The following ZNF804A variants were observed in gnomAD, a reference collection of about 807,000 sequenced individuals.
ZNF804A encodes the protein zinc finger protein 804A.
ZNF804A carries 2 observed loss-of-function variants against 16.5 expected under a neutral mutation model. The ratio of observed to expected loss-of-function variants is 0.12; its 90% confidence interval spans 0.05 to 0.38. ZNF804A has a LOEUF of 0.38. ZNF804A is among the 10% of genes least tolerant of loss of function. ZNF804A has a pLI of 0.99. For missense variants in ZNF804A, 1,473 were observed against 1,390.7 expected, an observed-to-expected ratio of 1.06 and a Z score of -0.94; for synonymous variants, 534 against 489.6, an observed-to-expected ratio of 1.09 and a Z score of -1.20.
intron 1 of ZNF804A, among the ~76,000 whole-genome samples, chr2:184,786,003 G>A (rs1170742747): frequency 2.0e-5 from 3 of 152,006 alleles, no homozygotes; most frequent in Non-Finnish European, 4.4e-5. Flanking sequence ...GGTAGATCTA[G>A]CTGAAGTCAG....
chr2:184,668,183 A>G (rs1282830538), intron 1 of ZNF804A, among the ~76,000 whole-genome samples: 1 of 151,822 alleles, frequency 6.6e-6, no homozygotes, highest in East Asian at 1.9e-4. Flanking sequence ...ATAATTGTAT[A>G]TATTTATAGC....
chr2:184,810,066 C>A (rs752393350), intron 1 of ZNF804A, among the ~76,000 whole-genome samples: 3 of 152,126 alleles, frequency 2.0e-5, no homozygotes, highest in Non-Finnish European at 4.4e-5. Context: ...GACAAACTAT[C>A]GCCCAGGACT....
intron 1 of ZNF804A, among the ~76,000 whole-genome samples, chr2:184,724,459 G>A (rs982465373): frequency 1.6e-5 from 2 of 128,682 alleles, no homozygotes; most frequent in African/African-American, 8.4e-5. Flanking sequence ...ATGAAGACAG[G>A]CAAAGAATCA....
chr2:184,790,327 T>G (rs1365591236), intron 1 of ZNF804A, among the ~76,000 whole-genome samples: 1 of 151,924 alleles, frequency 6.6e-6, no homozygotes. Context: ...TGTAATTGTT[T>G]GAGTATTACG....
At chr2:184,894,597 T>G (rs1165130852) in intron 2 of ZNF804A, among the ~76,000 whole-genome samples, 1 of 152,100 alleles carries the variant, frequency 6.6e-6, no homozygotes, top group Non-Finnish European at 1.5e-5. Context: ...TAATACACAT[T>G]TATATATTAC....
chr2:184,735,037 CA>C (rs1693585078), intron 1 of ZNF804A, among the ~76,000 whole-genome samples: 1 of 152,126 alleles, frequency 6.6e-6, no homozygotes, highest in African/African-American at 2.4e-5. Context: ...CCACTTTAAT[CA>C]ATACAGGTCT....
chr2:184,626,567 T>G (rs1314791716), intron 1 of ZNF804A, among the ~76,000 whole-genome samples: 1 of 152,184 alleles, frequency 6.6e-6, no homozygotes, highest in African/African-American at 2.4e-5. Context: ...ACCTCAGTGC[T>G]CAACAAGTAA....
intron 1 of ZNF804A, among the ~76,000 whole-genome samples, chr2:184,783,867 G>A (rs1694409052): frequency 6.6e-6 from 1 of 151,870 alleles, no homozygotes; most frequent in African/African-American, 2.4e-5. Flanking sequence ...TACAGAAAGT[G>A]GTTTGTCAAT....
chr2:184,813,667 A>G (rs553330804), intron 1 of ZNF804A, among the ~76,000 whole-genome samples: 1 of 152,194 alleles, frequency 6.6e-6, no homozygotes, highest in African/African-American at 2.4e-5. Context: ...GATTTTTCAC[A>G]ATTTTATTTA....
chr2:184,612,749 A>G (rs190049808), intron 1 of ZNF804A, among the ~76,000 whole-genome samples: 20 of 152,310 alleles, frequency 1.3e-4, no homozygotes, highest in Admixed American at 9.8e-4. Context: ...TATGATACAT[A>G]CTGTTACTCA....
At chr2:184,927,484 G>C (rs1685629375) in intron 2 of ZNF804A, among the ~76,000 whole-genome samples, 1 of 152,284 alleles carries the variant, frequency 6.6e-6, no homozygotes, top group Admixed American at 6.5e-5. Flanking sequence ...CCCAAAGCCT[G>C]CTGTAGCCAC....
At chr2:184,720,769 G>A (rs890966850) in intron 1 of ZNF804A, among the ~76,000 whole-genome samples, 12 of 152,088 alleles carry the variant, frequency 7.9e-5, no homozygotes, top group Admixed American at 6.6e-5. Context: ...TCTAAAATCT[G>A]TATGGTATCA....
chr2:184,797,109 G>T (rs1348948746), intron 1 of ZNF804A, among the ~76,000 whole-genome samples: 1 of 152,030 alleles, frequency 6.6e-6, no homozygotes, highest in African/African-American at 2.4e-5. Context: ...TGCAGTTGTT[G>T]GATGAAATGT....
intron 2 of ZNF804A, among the ~76,000 whole-genome samples, chr2:184,873,530 A>G (rs117749276): frequency 6.6e-6 from 1 of 152,334 alleles, no homozygotes; most frequent in East Asian, 1.9e-4. Flanking sequence ...AAAGTTTTGT[A>G]AGTTTAACTG....
intron 1 of ZNF804A, among the ~76,000 whole-genome samples, chr2:184,797,663 G>A (rs1266706031): frequency 6.6e-6 from 1 of 152,092 alleles, no homozygotes; most frequent in Admixed American, 6.6e-5. Context: ...CATTCATCAT[G>A]CTATTTGTTG....
chr2:184,891,411 C>T (rs969622064), intron 2 of ZNF804A, among the ~76,000 whole-genome samples: 3 of 152,092 alleles, frequency 2.0e-5, no homozygotes, highest in Admixed American at 6.6e-5. Flanking sequence ...GCAGGGTGCT[C>T]TACAGAAGTC....
chr2:184,724,590 T>A (rs1459806042), intron 1 of ZNF804A, among the ~76,000 whole-genome samples: 3 of 151,658 alleles, frequency 2.0e-5, no homozygotes, highest in Non-Finnish European at 4.4e-5. Flanking sequence ...CGAGGGAATA[T>A]TAGTCACTGA....
At chr2:184,850,325 A>G (rs1695583547) in intron 1 of ZNF804A, among the ~76,000 whole-genome samples, 1 of 151,890 alleles carries the variant, frequency 6.6e-6, no homozygotes, top group Non-Finnish European at 1.5e-5. Flanking sequence ...TCAAAACATC[A>G]TGTGTACCCA....
chr2:184,681,583 C>T (rs1692540795), intron 1 of ZNF804A, among the ~76,000 whole-genome samples: 1 of 152,222 alleles, frequency 6.6e-6, no homozygotes, highest in Non-Finnish European at 1.5e-5. Context: ...ATAACAAACT[C>T]CTCCAATTAT....
Sources: gnomAD v4.1 joint callset for allele counts (sites outside exome capture counted in the v4.1 genomes callset) on GRCh38, gnomAD v4.1.1 for gene constraint, MANE v1.5 for transcripts, NCBI Gene and HGNC (gene_info 2026-07-23, HGNC 2026-07-21) for gene names.